RBFOX1: variants seen among roughly 807,000 people sequenced by gnomAD.
RBFOX1 encodes the protein RNA binding fox-1 homolog 1, also known as RNA binding protein fox-1 homolog 1.
In RBFOX1, 8 loss-of-function variants were observed where a neutral mutation model predicts 57.7. The observed-to-expected ratio is 0.14, with a 90% CI of 0.08 to 0.25. The LOEUF (loss-of-function observed/expected upper bound fraction) is 0.25, where lower values mean the gene tolerates loss of function less well. RBFOX1 is among the 10% of genes least tolerant of loss of function. The pLI is 1.00. For synonymous variants in RBFOX1, 326 were observed against 222.4 expected, an observed-to-expected ratio of 1.47 and a Z score of -4.15; for missense variants, 611 against 548.5, an observed-to-expected ratio of 1.11 and a Z score of -1.14.
At chr16:7,670,110 C>T (rs1257819443) in intron 13 of RBFOX1, among the ~76,000 whole-genome samples, 1 of 152,190 alleles carries the variant, frequency 6.6e-6, no homozygotes, top group Non-Finnish European at 1.5e-5. Flanking sequence ...CAGCTCACTG[C>T]AACCTCTGCC....
intron 2 of RBFOX1, among the ~76,000 whole-genome samples, chr16:6,443,002 T>G (rs1408985669): frequency 6.6e-6 from 1 of 152,208 alleles, no homozygotes; most frequent in African/African-American, 2.4e-5. Context: ...GTACCAGGAA[T>G]CTGTACTTGG....
chr16:7,423,516 C>G (rs913379106), intron 4 of RBFOX1, among the ~76,000 whole-genome samples: 3 of 152,030 alleles, frequency 2.0e-5, no homozygotes, highest in African/African-American at 7.2e-5. Flanking sequence ...AGGGGAGGTA[C>G]TTTGCATTAA....
chr16:5,260,795 C>G (rs2062713538), intron 1 of RBFOX1: 1 of 152,280 alleles, frequency 6.6e-6, no homozygotes, highest in Non-Finnish European at 1.5e-5. Flanking sequence ...CCAGCTGTGT[C>G]TTGCAAGTCT....
intron 3 of RBFOX1, among the ~76,000 whole-genome samples, chr16:5,859,964 C>A (rs1053046393): frequency 1.3e-5 from 2 of 152,210 alleles, no homozygotes; most frequent in African/African-American, 4.8e-5. Context: ...TCCCGTGGGA[C>A]TGATCCCAAA....
chr16:7,299,482 T>C (rs2095978849), intron 4 of RBFOX1, among the ~76,000 whole-genome samples: 1 of 152,192 alleles, frequency 6.6e-6, no homozygotes, highest in Non-Finnish European at 1.5e-5. Context: ...CAGGCTCTAA[T>C]CTCGATCCTG....
chr16:6,910,891 C>G (rs73541186), intron 3 of RBFOX1, among the ~76,000 whole-genome samples: 1 of 152,074 alleles, frequency 6.6e-6, no homozygotes, highest in African/African-American at 2.4e-5. Flanking sequence ...GCCTTCCTTG[C>G]TAATCTCTGT....
At chr16:5,708,281 A>G (rs192004028) in intron 3 of RBFOX1, among the ~76,000 whole-genome samples, 2 of 152,270 alleles carry the variant, frequency 1.3e-5, no homozygotes, top group Middle Eastern at 3.4e-3. Flanking sequence ...TATCAAGCAG[A>G]TGAAGTATGA....
chr16:7,296,890 C>G (rs1193706990), intron 4 of RBFOX1, among the ~76,000 whole-genome samples: 1 of 152,144 alleles, frequency 6.6e-6, no homozygotes, highest in Non-Finnish European at 1.5e-5. Flanking sequence ...TTCCCTCTGC[C>G]CCTGAGTCCT....
intron 3 of RBFOX1, among the ~76,000 whole-genome samples, chr16:6,865,269 C>T (rs1045969536): frequency 6.6e-6 from 1 of 151,972 alleles, no homozygotes; most frequent in Non-Finnish European, 1.5e-5. Flanking sequence ...TCCCACAGTA[C>T]TGGGATTACA....
intron 1 of RBFOX1, among the ~76,000 whole-genome samples, chr16:6,124,828 C>A (rs1473141592): frequency 1.3e-5 from 2 of 152,038 alleles, no homozygotes; most frequent in African/African-American, 4.8e-5. Context: ...GTGCCTGGCG[C>A]CAATTCAATT....
chr16:5,638,677 T>G (rs970611267), intron 3 of RBFOX1, among the ~76,000 whole-genome samples: 89 of 152,198 alleles, frequency 5.8e-4, no homozygotes, highest in African/African-American at 2.0e-3. Flanking sequence ...TTGGAATGGG[T>G]TAAGGAAGGG....
intron 2 of RBFOX1, among the ~76,000 whole-genome samples, chr16:5,483,744 G>A (rs1242331928): frequency 2.0e-5 from 3 of 152,292 alleles, no homozygotes; most frequent in South Asian, 4.1e-4. Context: ...CTATTGCTGT[G>A]TAACAAATTA....
intron 2 of RBFOX1, among the ~76,000 whole-genome samples, chr16:5,586,018 A>T (rs2046817866): frequency 6.6e-6 from 1 of 152,190 alleles, no homozygotes; most frequent in African/African-American, 2.4e-5. Context: ...AAATCCAACG[A>T]CTGGTGTCTT....
intron 11 of RBFOX1, among the ~76,000 whole-genome samples, chr16:7,638,636 A>G (rs1293321637): frequency 6.6e-6 from 1 of 151,166 alleles, no homozygotes; most frequent in African/African-American, 2.4e-5. Flanking sequence ...GGATGTTATT[A>G]ATATTTTCAG....
intron 4 of RBFOX1, among the ~76,000 whole-genome samples, chr16:7,129,089 G>T (rs2069464908): frequency 6.6e-6 from 1 of 152,086 alleles, no homozygotes; most frequent in Non-Finnish European, 1.5e-5. Flanking sequence ...AAAGTGCTGG[G>T]ATTACAGGTG....
chr16:7,529,122 G>A (rs1182043171), intron 5 of RBFOX1, among the ~76,000 whole-genome samples: 1 of 152,010 alleles, frequency 6.6e-6, no homozygotes, highest in Non-Finnish European at 1.5e-5. Flanking sequence ...TTAGCCAGGC[G>A]TGGTGGCGGG....
intron 3 of RBFOX1, among the ~76,000 whole-genome samples, chr16:6,872,997 C>T (rs1057242714): frequency 2.0e-5 from 3 of 152,048 alleles, no homozygotes; most frequent in Non-Finnish European, 2.9e-5. Flanking sequence ...TTTGAGAGAT[C>T]TTATAAAGAT....
intron 2 of RBFOX1, among the ~76,000 whole-genome samples, chr16:6,598,636 CA>C (rs75819744): frequency 0.079 from 12,023 of 152,216 alleles, 857 homozygotes; most frequent in East Asian, 0.39. Context: ...TGTGACCATT[CA>C]AAATGGCTTT....
chr16:6,459,498 G>C (rs1284482986), intron 2 of RBFOX1, among the ~76,000 whole-genome samples: 1 of 152,092 alleles, frequency 6.6e-6, no homozygotes, highest in African/African-American at 2.4e-5. Flanking sequence ...AGACACCTAA[G>C]AAAGAAAATC....
Sources: gnomAD v4.1 joint callset for allele counts (sites outside exome capture counted in the v4.1 genomes callset) on GRCh38, gnomAD v4.1.1 for gene constraint, MANE v1.5 for transcripts, NCBI Gene and HGNC (gene_info 2026-07-23, HGNC 2026-07-21) for gene names.